CPSF3: variants seen among roughly 807,000 people sequenced by gnomAD.
The protein encoded by CPSF3 is cleavage and polyadenylation specific factor 3, also known as cleavage and polyadenylation specificity factor subunit 3.
CPSF3 carries 57 observed loss-of-function variants against 84.1 expected under a neutral mutation model. The ratio of observed to expected loss-of-function variants is 0.68; its 90% CI spans 0.55 to 0.85. CPSF3 has a LOEUF of 0.85. Among genes scored for constraint, CPSF3 ranks in the 40% least tolerant of loss-of-function variants. The probability of loss-of-function intolerance (pLI) is 0.00; values close to 1 mark genes in which losing one functional copy is unlikely to be tolerated. For missense variants in CPSF3, 522 were observed against 838.8 expected (o/e 0.62, Z 4.66); for synonymous variants, 275 against 278.1 (o/e 0.99, Z 0.11).
chr2:9,466,362 A>G (rs1348934686), intron 15 of CPSF3, among the ~76,000 whole-genome samples: 6 of 144,116 alleles, frequency 4.2e-5, no homozygotes, highest in Admixed American at 6.8e-5. Context: ...GCACACACAC[A>G]CGCACACACC....
At chr2:9,436,147 G>A in intron 6 of CPSF3, 64 bp from the exon 7 acceptor site, 1 of 1,396,198 alleles carries the variant, frequency 7.2e-7, no homozygotes. Context: ...TTTCATTGAT[G>A]TTTAACTTTT....
chr2:9,435,453 T>C (rs1250565386), intron 6 of CPSF3, among the ~76,000 whole-genome samples: 1 of 150,406 alleles, frequency 6.6e-6, no homozygotes, highest in African/African-American at 2.4e-5. Context: ...TGAGATGGAG[T>C]CTCACTCTGG....
Position 9,459,614 on chromosome 2 carries a change from A to G in CPSF3, c.1782A>G (p.Arg594=), listed in dbSNP as rs1558463006. ...ILEVQSNPKI[R]KGAVQKVSKK... ...AAGTTCAGTCAAATCCCAAAATAAG[A>G]AAAGGTAAGAGTTCATTTTTATCCT... Residue 594 remains arginine (R), a synonymous_variant, in exon 15 of 18, where the codon AGA becomes AGG. Transcript: ENST00000238112. 6.6e-7 allele frequency: 1 copy of G among 1,511,784 alleles called. No homozygotes were observed. The highest frequency in any genetic ancestry group is 9.1e-7 in the Non-Finnish European group (1 of 1,099,474). 93.6% of individuals were successfully genotyped at this position (1,511,784 alleles called of 1,614,324 possible). A position where few individuals can be genotyped will look rare whatever the true frequency, so the allele number is the denominator to read the frequency against.
intron 1 of CPSF3, 52 bp from the exon 2 acceptor site, chr2:9,428,713 C>T (rs1680476419): frequency 1.6e-6 from 2 of 1,284,846 alleles, no homozygotes; most frequent in Admixed American, 1.8e-5. Context: ...GTTTATTGGA[C>T]TTGGTTTTGA....
At chr2:9,458,008 G>A (rs576435410) in intron 14 of CPSF3, among the ~76,000 whole-genome samples, 4 of 152,136 alleles carry the variant, frequency 2.6e-5, no homozygotes, top group African/African-American at 4.8e-5. Flanking sequence ...CACCCGCCTC[G>A]CATACATTCT....
At chr2:9,428,851 GT>G in intron 2 of CPSF3, 23 bp downstream of exon 2, 1 of 1,376,188 alleles carries the variant, frequency 7.3e-7, no homozygotes, top group South Asian at 1.2e-5. Context: ...TTTGTACTCA[GT>G]TTAATAGTAT....
chr2:9,459,476 TTG>T, intron 14 of CPSF3, 53 bp from the exon 15 acceptor site: 1 of 1,076,974 alleles, frequency 9.3e-7, no homozygotes, highest in Non-Finnish European at 1.4e-6. Flanking sequence ...GTTGTAGCCT[TTG>T]TGGTTGGTCA....
chr2:9,471,261 G>A, intron 16 of CPSF3, 82 bp from the exon 17 acceptor site: 1 of 826,854 alleles, frequency 1.2e-6, no homozygotes, highest in Non-Finnish European at 2.1e-6. Context: ...TTTAGAACTA[G>A]GACCTATCTT....
At chr2:9,450,985 T>C (rs1417187067) in intron 11 of CPSF3, among the ~76,000 whole-genome samples, 1 of 152,196 alleles carries the variant, frequency 6.6e-6, no homozygotes, top group East Asian at 1.9e-4. Flanking sequence ...GATTTAATAG[T>C]ATTTTTCTTA....
At chr2:9,434,247 G>A (rs1215561406) in intron 6 of CPSF3, among the ~76,000 whole-genome samples, 1 of 151,872 alleles carries the variant, frequency 6.6e-6, no homozygotes, top group African/African-American at 2.4e-5. Context: ...GCTGGGTGTG[G>A]TGGTGCAGTT....
chr2:9,461,889 G>A (rs1020855735), intron 15 of CPSF3, among the ~76,000 whole-genome samples: 7 of 151,728 alleles, frequency 4.6e-5, no homozygotes, highest in African/African-American at 1.7e-4. Flanking sequence ...AGCCTCCTGA[G>A]TAGCTGGGAT....
intron 7 of CPSF3, among the ~76,000 whole-genome samples, chr2:9,439,301 G>A (rs1051702684): frequency 1.3e-5 from 2 of 151,808 alleles, no homozygotes; most frequent in African/African-American, 2.4e-5. Flanking sequence ...GTGAAACCCC[G>A]TCTGTACTAA....
chr2:9,448,008 A>T (rs1260172607), intron 10 of CPSF3, among the ~76,000 whole-genome samples, 190 bp from the exon 11 acceptor site: 1 of 152,218 alleles, frequency 6.6e-6, no homozygotes, highest in Non-Finnish European at 1.5e-5. Flanking sequence ...CCACATAAGG[A>T]TCAAACAGAA....
chr2:9,454,620 C>T (rs182057579), intron 12 of CPSF3, among the ~76,000 whole-genome samples: 1 of 142,538 alleles, frequency 7.0e-6, no homozygotes, highest in African/African-American at 2.6e-5. Flanking sequence ...TCTCTGCTTA[C>T]TGCAAGCTCC....
In CPSF3 at chr2:9,430,739, CT is replaced by C. The variant is rs1211676565; in HGVS notation, c.213-10del. The C allele has an allele frequency of 5.6e-6, 9 of 1,597,316 alleles. No individual in the cohort carries two copies. The highest frequency in any genetic ancestry group is 1.1e-5 in the South Asian group (1 of 87,706). ...ATAATTTTAAGAATTAATGCAGCCT[CT>C]TTCTTTTTAAGTTTCCATTTGGATC... On this transcript the variant is annotated splice_polypyrimidine_tract_variant and intron_variant, in intron 3 of 17. Transcript: ENST00000238112.
At chr2:9,459,734 C>T in intron 15 of CPSF3, 116 bp downstream of exon 15, 1 of 526,452 alleles carries the variant, frequency 1.9e-6, no homozygotes, top group Non-Finnish European at 3.2e-6. Context: ...ACTGCATCCT[C>T]CACTTCCCAG....
chr2:9,459,569 A>G lies in CPSF3; in HGVS notation c.1737A>G (p.Thr579=). 2.5e-6 allele frequency: 4 copies of G among 1,610,708 alleles called. No homozygotes were observed. The highest frequency in any genetic ancestry group is 1.7e-6 in the Non-Finnish European group (2 of 1,178,042). The stretch of plus-strand genomic sequence containing the variant: ...CTTCTAATGATATGTATGCAGATAC[A>G]GTAACAACTGTGATATTGGAAGTTC... The part of the protein sequence containing the change: ...ANPSNDMYAD[T]VTTVILEVQS... Residue 579 remains threonine (T), a synonymous_variant, in exon 15 of 18, where the codon ACA becomes ACG. Transcript: ENST00000238112.
At chr2:9,434,688 A>C (rs1000894420) in intron 6 of CPSF3, among the ~76,000 whole-genome samples, 4 of 152,170 alleles carry the variant, frequency 2.6e-5, no homozygotes, top group African/African-American at 9.7e-5. Flanking sequence ...TTTGTGTGTC[A>C]TGTCTGCCTA....
rs981750960 is a variant in CPSF3 at position 9,459,544 on chromosome 2, C to T, written c.1712C>T (p.Pro571Leu). ...TTTGCTTTCCAGTGGCTGGCAAACC[C>T]TTCTAATGATATGTATGCAGATACA... The part of the protein sequence containing the change: ...GMVVLEWLAN[P>L]SNDMYADTVT... The change falls in exon 15 of 18, where the codon CCT becomes CTT. Residue 571 changes from proline to leucine, a missense_variant. By Grantham distance (98) the Pro-to-Leu change is moderately conservative. Coordinates refer to ENST00000238112, the MANE Select transcript of CPSF3 (RefSeq NM_016207.4). 6.2e-7 allele frequency: 1 copy of T among 1,610,832 alleles called. No individual in the cohort carries two copies. Among genetic ancestry groups the T allele is most frequent in the Admixed American group, 1.7e-5 (1 of 59,828 alleles).
Sources: allele counts gnomAD v4.1 joint callset (sites outside exome capture counted in the v4.1 genomes callset), GRCh38; gene constraint gnomAD v4.1.1; transcripts MANE v1.5; gene names NCBI Gene and HGNC (gene_info 2026-07-23, HGNC 2026-07-21).